KIAA0825: variants seen among roughly 807,000 people sequenced by gnomAD.
KIAA0825 encodes KIAA0825.
Under a neutral mutation model 147.6 loss-of-function variants are expected in KIAA0825, and 119 were observed. The ratio of observed to expected loss-of-function variants is 0.81; its 90% CI spans 0.69 to 0.94. The LOEUF is 0.94. Among genes scored for constraint, KIAA0825 ranks in the 40% least tolerant of loss-of-function variants. The pLI, the probability that KIAA0825 is intolerant of heterozygous loss-of-function variation, is 0.00. For missense variants in KIAA0825, 1,381 were observed against 1,472.7 expected (o/e 0.94, Z 1.02); for synonymous variants, 470 against 518.1 (o/e 0.91, Z 1.26).
chr5:94,440,745 C>T (rs10476610), intron 13 of KIAA0825, among the ~76,000 whole-genome samples: 1,751 of 152,048 alleles, frequency 0.012, 45 homozygotes, highest in African/African-American at 0.041. Flanking sequence ...GAAAAATTAT[C>T]AGTGTTGAAC....
chr5:94,361,739 T>C (rs1342042475), intron 20 of KIAA0825, among the ~76,000 whole-genome samples: 1 of 152,112 alleles, frequency 6.6e-6, no homozygotes, highest in Non-Finnish European at 1.5e-5. Context: ...AAGAGGAAAA[T>C]GAACAATTAA....
At chr5:94,586,891 T>C (rs1783409364) in intron 1 of KIAA0825, among the ~76,000 whole-genome samples, 1 of 152,118 alleles carries the variant, frequency 6.6e-6, no homozygotes, top group South Asian at 2.1e-4. Context: ...GTTCAACATA[T>C]GCAAATCAAT....
intron 20 of KIAA0825, among the ~76,000 whole-genome samples, chr5:94,291,729 T>A (rs1038472345): frequency 3.3e-5 from 5 of 152,238 alleles, no homozygotes; most frequent in African/African-American, 1.2e-4. Context: ...CGATATTGAT[T>A]CTTCCTATCC....
At chr5:94,209,957 T>C (rs771209603) in intron 20 of KIAA0825, among the ~76,000 whole-genome samples, 10 of 152,214 alleles carry the variant, frequency 6.6e-5, no homozygotes, top group African/African-American at 9.6e-5. Flanking sequence ...CATCACAGTC[T>C]TCCTTCGCAG....
At chr5:94,273,530 A>G (rs1435730504) in intron 20 of KIAA0825, among the ~76,000 whole-genome samples, 2 of 152,000 alleles carry the variant, frequency 1.3e-5, no homozygotes, top group African/African-American at 4.8e-5. Flanking sequence ...GCAATAAGAA[A>G]TTTTTCAGCC....
At chr5:94,161,740 T>C (rs1295119741) in intron 20 of KIAA0825, among the ~76,000 whole-genome samples, 1 of 152,238 alleles carries the variant, frequency 6.6e-6, no homozygotes, top group African/African-American at 2.4e-5. Flanking sequence ...CATATTTTCT[T>C]TTTCAAATAG....
At chr5:94,475,914 T>A (rs572702296) in intron 7 of KIAA0825, among the ~76,000 whole-genome samples, 1 of 152,372 alleles carries the variant, frequency 6.6e-6, no homozygotes, top group South Asian at 2.1e-4. Flanking sequence ...ACTTCTACTC[T>A]TCTCATCTAA....
intron 20 of KIAA0825, among the ~76,000 whole-genome samples, chr5:94,167,548 T>C (rs1360071036): frequency 1.3e-5 from 2 of 152,172 alleles, no homozygotes; most frequent in African/African-American, 4.8e-5. Flanking sequence ...TTTACAACCT[T>C]ATTTCTACTT....
chr5:94,417,883 C>G (rs954612313), intron 14 of KIAA0825, among the ~76,000 whole-genome samples: 2 of 152,148 alleles, frequency 1.3e-5, no homozygotes, highest in African/African-American at 4.8e-5. Flanking sequence ...TCATATCAGA[C>G]TGAAGAGTTT....
chr5:94,539,767 C>T (rs940989873), intron 2 of KIAA0825, among the ~76,000 whole-genome samples: 4 of 151,974 alleles, frequency 2.6e-5, no homozygotes, highest in African/African-American at 9.7e-5. Flanking sequence ...AGAGACCCAA[C>T]TTAGGAGGGT....
At chr5:94,391,805 C>G in intron 17 of KIAA0825, 111 bp from the exon 18 acceptor site, 1 of 925,456 alleles carries the variant, frequency 1.1e-6, no homozygotes, top group East Asian at 2.8e-5. Flanking sequence ...TCAAAGCATC[C>G]ATAAAGACTA....
At chr5:94,159,703 G>A (rs1217445674) in intron 20 of KIAA0825, among the ~76,000 whole-genome samples, 1 of 152,016 alleles carries the variant, frequency 6.6e-6, no homozygotes, top group Non-Finnish European at 1.5e-5. Flanking sequence ...CCCTAGCATG[G>A]CCAAGGTTGT....
chr5:94,483,209 T>C (rs1762678024), intron 6 of KIAA0825, among the ~76,000 whole-genome samples: 1 of 152,006 alleles, frequency 6.6e-6, no homozygotes, highest in Admixed American at 6.6e-5. Flanking sequence ...TAATTTTGAA[T>C]TTATGCTGAC....
At chr5:94,308,906 CAG>C (rs1223631106) in intron 20 of KIAA0825, among the ~76,000 whole-genome samples, 1 of 151,760 alleles carries the variant, frequency 6.6e-6, no homozygotes, top group Non-Finnish European at 1.5e-5. Flanking sequence ...AGGTAACATA[CAG>C]CAACCACTTA....
intron 14 of KIAA0825, among the ~76,000 whole-genome samples, chr5:94,425,815 G>C (rs1297771121): frequency 6.6e-6 from 1 of 151,864 alleles, no homozygotes; most frequent in Non-Finnish European, 1.5e-5. Flanking sequence ...ATTCTAACAG[G>C]GGTAAGATGA....
rs767092689 is a variant in KIAA0825, at chr5:94,391,680, A to G, written c.3311T>C (p.Ile1104Thr). 3 of 1,542,078 alleles carry G rather than the reference A, an allele frequency of 1.9e-6. No individual in the cohort carries two copies. The South Asian group carries it at 3.6e-5, about 19-fold the overall frequency. ...TTCTTGTAAGGCCGTGCTTTTCTCT[A>G]TTGTCATAAATGCACTAAATACAAA... is the stretch of plus-strand genomic sequence containing the variant. ...KLSTECAFMT[I>T]EKSTALQEGD... Residue 1104 changes from isoleucine to threonine, a missense_variant, in exon 18 of 21, where the codon ATA becomes ACA. Coordinates refer to ENST00000682413, the MANE Select transcript of KIAA0825 (RefSeq NM_001145678.3).
chr5:94,509,402 T>C (rs1766174678), intron 5 of KIAA0825, among the ~76,000 whole-genome samples: 1 of 152,184 alleles, frequency 6.6e-6, no homozygotes, highest in Non-Finnish European at 1.5e-5. Flanking sequence ...TGGTCATAAA[T>C]GTAAAGAAAG....
intron 1 of KIAA0825, among the ~76,000 whole-genome samples, chr5:94,584,013 C>T (rs943787527): frequency 1.3e-5 from 2 of 152,186 alleles, no homozygotes. Context: ...AGGACATCCA[C>T]ACCAAAACCT....
intron 1 of KIAA0825, among the ~76,000 whole-genome samples, chr5:94,602,811 T>C (rs1202681757): frequency 6.6e-6 from 1 of 151,750 alleles, no homozygotes; most frequent in Non-Finnish European, 1.5e-5. Context: ...CCTTTGTAAA[T>C]TGCCCAATCT....
Sources: gnomAD v4.1 joint callset for allele counts (sites outside exome capture counted in the v4.1 genomes callset) on GRCh38, gnomAD v4.1.1 for gene constraint, MANE v1.5 for transcripts, NCBI Gene and HGNC (gene_info 2026-07-23, HGNC 2026-07-21) for gene names.